Variants in PPP1R8 observed in about 807,000 individuals in gnomAD.
PPP1R8 encodes protein phosphatase 1 regulatory subunit 8.
A neutral mutation model predicts 31.3 loss-of-function variants in PPP1R8; 4 were observed. The observed-to-expected ratio is 0.13, with a 90% CI of 0.06 to 0.29. The LOEUF (loss-of-function observed/expected upper bound fraction) is 0.29. Among genes scored for constraint, PPP1R8 ranks in the 10% least tolerant of loss-of-function variants. The pLI, the probability that PPP1R8 is intolerant of heterozygous loss-of-function variation, is 1.00. For synonymous variants in PPP1R8, 170 were observed against 169.7 expected (o/e 1.00, Z -0.01); for missense variants, 254 against 440.1 (o/e 0.58, Z 3.78).
Position 27,831,220 on chromosome 1 carries a change from G to C in PPP1R8, c.56+329G>C, listed in dbSNP as rs554778656. On this transcript the variant is annotated intron_variant, in intron 1 of 6. Coordinates refer to ENST00000311772, the MANE Select transcript of PPP1R8 (RefSeq NM_014110.5). ...TCTTGACTGAGTGCCTGGTGCTCTCGTGGAGCATCGCATCTGGCCCCTTCC... is the reference window on the plus strand; with the variant it reads ...TCTTGACTGAGTGCCTGGTGCTCTCCTGGAGCATCGCATCTGGCCCCTTCC... 2.2e-4 allele frequency: 240 copies of C among 1,088,996 alleles called. 1 individual carries two copies. In the African/African-American group the frequency reaches 3.6e-3, roughly 16 times the overall value. 67.5% of individuals were successfully genotyped at this position (1,088,996 alleles called of 1,614,324 possible). A position where few individuals can be genotyped will look rare whatever the true frequency, so the allele number is the denominator to read the frequency against.
intron 3 of PPP1R8, 56 bp from the exon 4 acceptor site, chr1:27,840,954 CTTCT>C (rs2148617362): frequency 6.4e-7 from 1 of 1,553,418 alleles, no homozygotes; most frequent in East Asian, 2.2e-5. Flanking sequence ...CATACTCTTC[CTTCT>C]AAAACTCAGG....
At chr1:27,843,780 C>G (rs2089245453) in intron 5 of PPP1R8, among the ~76,000 whole-genome samples, 1 of 152,024 alleles carries the variant, frequency 6.6e-6, no homozygotes, top group Non-Finnish European at 1.5e-5. Flanking sequence ...TGGCAGAACC[C>G]TGTCTCTACA....
chr1:27,831,813 CTG>C (rs1276411811), intron 1 of PPP1R8, among the ~76,000 whole-genome samples: 2 of 152,136 alleles, frequency 1.3e-5, no homozygotes, highest in South Asian at 2.1e-4. Context: ...TGTGAGATGA[CTG>C]TGTTGAATCT....
chr1:27,844,703 CTT>C (rs777070302), intron 5 of PPP1R8, among the ~76,000 whole-genome samples: 3 of 70,446 alleles, frequency 4.3e-5, no homozygotes, highest in African/African-American at 6.8e-5. Context: ...AGACAAATTT[CTT>C]TTTTTTTTTT....
intron 1 of PPP1R8, among the ~76,000 whole-genome samples, chr1:27,832,468 C>G (rs2089119984): frequency 6.6e-6 from 1 of 152,194 alleles, no homozygotes; most frequent in Non-Finnish European, 1.5e-5. Flanking sequence ...CTTGCACTCT[C>G]TATGCAGTTC....
Position 27,850,706 on chromosome 1 carries a change from T to TC in PPP1R8, c.*262dup. ...ACTGCCCTGGCTCTTTCCTAGGCCT[T>TC]CCACTACCTCCTTTCTTTCTCCCAC... On this transcript the variant is annotated 3_prime_UTR_variant, in exon 7 of 7. Coordinates refer to ENST00000311772, the MANE Select transcript of PPP1R8 (RefSeq NM_014110.5). 2.6e-6 allele frequency: 1 copy of TC among 381,024 alleles called. No individual in the cohort carries two copies. Among genetic ancestry groups the TC allele is most frequent in the Non-Finnish European group, 4.7e-6 (1 of 211,552 alleles). 23.6% of individuals were successfully genotyped at this position (381,024 alleles called of 1,614,324 possible).
At chr1:27,843,104 C>A in intron 4 of PPP1R8, 82 bp from the exon 5 acceptor site, 1 of 1,548,348 alleles carries the variant, frequency 6.5e-7, no homozygotes, top group African/African-American at 1.4e-5. Context: ...CTCATGCCTT[C>A]CTCACCTTTA....
At chr1:27,836,924 A>C (rs988827455) in intron 2 of PPP1R8, among the ~76,000 whole-genome samples, 1 of 152,166 alleles carries the variant, frequency 6.6e-6, no homozygotes, top group African/African-American at 2.4e-5. Context: ...CATGATTAGA[A>C]TAGAAATAGG....
intron 2 of PPP1R8, 108 bp from the exon 3 acceptor site, chr1:27,838,591 A>G (rs1181797847): frequency 1.0e-5 from 7 of 674,404 alleles, no homozygotes; most frequent in East Asian, 6.3e-5. Context: ...TTTTTACTCA[A>G]TCTAATGGAA....
At chr1:27,831,302 G>T in intron 1 of PPP1R8, 1 of 999,984 alleles carries the variant, frequency 1.0e-6, no homozygotes. Flanking sequence ...TCCAAGCCCC[G>T]CATCCCTCTG....
At chr1:27,836,164 A>C (rs2089163125) in intron 2 of PPP1R8, among the ~76,000 whole-genome samples, 1 of 152,226 alleles carries the variant, frequency 6.6e-6, no homozygotes, top group Admixed American at 6.5e-5. Flanking sequence ...CTATAGTGTG[A>C]AATGTGAACT....
intron 4 of PPP1R8, 145 bp from the exon 5 acceptor site, chr1:27,843,041 T>C: frequency 3.4e-6 from 3 of 882,668 alleles, no homozygotes; most frequent in Admixed American, 2.5e-5. Context: ...ACAGTATGAA[T>C]CTTCTCTAAA....
At chr1:27,836,661 G>T (rs576482646) in intron 2 of PPP1R8, among the ~76,000 whole-genome samples, 1 of 151,978 alleles carries the variant, frequency 6.6e-6, no homozygotes, top group Non-Finnish European at 1.5e-5. Flanking sequence ...CTTGTGATCC[G>T]CCTGCCTCGG....
chr1:27,842,053 A>G (rs1269806929), intron 4 of PPP1R8, among the ~76,000 whole-genome samples: 5 of 152,176 alleles, frequency 3.3e-5, no homozygotes, highest in African/African-American at 9.7e-5. Flanking sequence ...GAAATTGTAC[A>G]ACTTAGGCCG....
In PPP1R8 at chr1:27,830,806, G is replaced by A. The variant is rs999499543; in HGVS notation, c.-30G>A. ...TCTTCCAGTTTCCCGGCGTGCTTAG[G>A]GCGCGCCAAATGGGAGGGGGAGACG... On this transcript the variant is annotated 5_prime_UTR_variant, in exon 1 of 7. Transcript: ENST00000311772. 6 of 1,565,332 alleles carry A rather than the reference G, an allele frequency of 3.8e-6. No individual in the cohort carries two copies. The highest frequency in any genetic ancestry group is 5.2e-6 in the Non-Finnish European group (6 of 1,155,888).
In PPP1R8 at chr1:27,850,291, G is replaced by T; in HGVS notation, c.901G>T (p.Val301Leu). Residue 301 changes from valine (V) to leucine (L), a missense_variant, in exon 7 of 7, where the codon GTG becomes TTG. This residue lies in a region of PPP1R8 where 105 missense variants were observed against 128.0 expected (regional missense o/e 0.82). Transcript: ENST00000311772. ...GCCATACCCAAACCTTGCCCCTGAT[G>T]TGGACTTGACTCCTGTTGTGCCGTC... ...PMPYPNLAPD[V>L]DLTPVVPSAV... The T allele has an allele frequency of 6.2e-7, 1 of 1,614,224 alleles. No homozygotes were observed. The highest frequency in any genetic ancestry group is 8.5e-7 in the Non-Finnish European group (1 of 1,180,052).
chr1:27,840,900 C>T (rs2089216254), intron 3 of PPP1R8, 114 bp from the exon 4 acceptor site: 1 of 1,054,102 alleles, frequency 9.5e-7, no homozygotes, highest in African/African-American at 1.6e-5. Flanking sequence ...AAAAGCAAAA[C>T]TGATGTGCTG....
In PPP1R8 at chr1:27,851,321, G is replaced by T. The variant is rs2089342144; in HGVS notation, c.*875G>T. 3.2e-6 allele frequency: 1 copy of T among 311,996 alleles called. No individual in the cohort carries two copies. Among genetic ancestry groups the T allele is most frequent in the African/African-American group, 2.2e-5 (1 of 46,138 alleles). 19.3% of individuals were successfully genotyped at this position (311,996 alleles called of 1,614,324 possible). On this transcript the variant is annotated 3_prime_UTR_variant, in exon 7 of 7. Coordinates refer to ENST00000311772, the MANE Select transcript of PPP1R8 (RefSeq NM_014110.5). ...AGGAATTTTTAGATGTCAGTTTGGA[G>T]GCTCTTTCCCCCCTCAATTGAGAGC...
chr1:27,831,078 C>A, intron 1 of PPP1R8, 187 bp downstream of exon 1: 1 of 1,375,074 alleles, frequency 7.3e-7, no homozygotes, highest in Non-Finnish European at 9.4e-7. Context: ...GAGCCCAGGC[C>A]CAGGAACTGA....
Sources: gnomAD v4.1 joint callset for allele counts (sites outside exome capture counted in the v4.1 genomes callset) on GRCh38, gnomAD v4.1.1 for gene constraint, gnomAD v4.1.1 regional missense constraint, MANE v1.5 for transcripts, NCBI Gene and HGNC (gene_info 2026-07-23, HGNC 2026-07-21) for gene names.